The following NPHP3 variants were observed in gnomAD, a reference collection of about 807,000 sequenced individuals.
NPHP3 encodes nephrocystin 3, also known as nephrocystin-3.
Under a neutral mutation model 171.9 loss-of-function variants are expected in NPHP3, and 123 were observed. The observed-to-expected ratio is 0.72, with a 90% CI of 0.62 to 0.83. The LOEUF (loss-of-function observed/expected upper bound fraction) is 0.83. Ranked by LOEUF, NPHP3 falls within the 40% of genes least tolerant of loss-of-function variation. The pLI is 0.00. For missense variants in NPHP3, 1,506 were observed against 1,591.9 expected, an observed-to-expected ratio of 0.95 and a Z score of 0.92; for synonymous variants, 558 against 579.2, an observed-to-expected ratio of 0.96 and a Z score of 0.52.
rs1393593329 is a variant in NPHP3, at chr3:132,705,779, T to C, written c.1311A>G (p.Val437=). The change falls in exon 8 of 27, where the codon GTA becomes GTG. Residue 437 remains valine, a synonymous_variant. Coordinates refer to ENST00000337331, the MANE Select transcript of NPHP3 (RefSeq NM_153240.5). ...TTTCTACACAAATATAAGTTTTATATACTCCTTCTGCAGGATCTCCTGAGT... is the reference window on the plus strand; with the variant it reads ...TTTCTACACAAATATAAGTTTTATACACTCCTTCTGCAGGATCTCCTGAGT... ...IDHSGDPAEG[V]YKTYICVEKI... is the part of the protein sequence containing the mutation. The C allele has an allele frequency of 1.3e-6, 2 of 1,507,126 alleles. No individual in the cohort carries two copies. Among genetic ancestry groups the C allele is most frequent in the East Asian group, 2.3e-5 (1 of 44,276 alleles). The allele number at this position is 1,507,126 out of a possible 1,614,324, so 93.4% of individuals were successfully genotyped here.
chr3:132,693,714 A>C (rs1365337429), intron 16 of NPHP3: 1 of 152,198 alleles, frequency 6.6e-6, no homozygotes, highest in African/African-American at 2.4e-5. Context: ...TCTACTAAAA[A>C]TACAAAAAAT....
intron 16 of NPHP3, 144 bp from the exon 17 acceptor site, chr3:132,692,962 T>A (rs1939338022): frequency 1.4e-6 from 1 of 702,384 alleles, no homozygotes. Flanking sequence ...AGAAACAGAT[T>A]TATTAAAACA....
chr3:132,692,612 TTC>T, intron 17 of NPHP3, 40 bp downstream of exon 17: 1 of 1,579,478 alleles, frequency 6.3e-7, no homozygotes, highest in Non-Finnish European at 8.7e-7. Context: ...AAGACCCTGT[TTC>T]TTAAATAAAT....
At chr3:132,707,669 T>C (rs1373490102) in intron 7 of NPHP3, among the ~76,000 whole-genome samples, 1 of 151,148 alleles carries the variant, frequency 6.6e-6, no homozygotes, top group African/African-American at 2.5e-5. Context: ...ACTGTCAAAA[T>C]TTACTCAGAA....
intron 24 of NPHP3, among the ~76,000 whole-genome samples, chr3:132,684,252 G>A (rs1412135091): frequency 6.6e-6 from 1 of 152,158 alleles, no homozygotes; most frequent in Non-Finnish European, 1.5e-5. Flanking sequence ...CTTCTGAAAT[G>A]TAAAATAAGT....
At chr3:132,697,495 CTA>C (rs1479526705) in intron 13 of NPHP3, 133 bp from the exon 14 acceptor site, 4 of 635,266 alleles carry the variant, frequency 6.3e-6, no homozygotes, top group African/African-American at 5.7e-5. Flanking sequence ...AAACTAATGT[CTA>C]TTAATCATAT....
intron 23 of NPHP3, chr3:132,686,057 A>G: frequency 1.9e-6 from 1 of 524,126 alleles, no homozygotes; most frequent in East Asian, 3.6e-5. Context: ...TCAAAAAAAA[A>G]AAAAAGAGTG....
chr3:132,707,223 C>T lies in NPHP3; in HGVS notation c.1275+878G>A, dbSNP rs113969455. 7.6e-3 allele frequency among the ~76,000 whole-genome samples: 1,150 copies of T among 152,198 alleles called. 6 individuals are homozygous for T. The highest frequency in any genetic ancestry group is 0.02 in the Middle Eastern group (6 of 294). ...ATCCCATCATCAGCTTTTTGCTTTC[C>T]CCAATGCTCTTAGGAAAAGTCACTA... On this transcript the variant is annotated intron_variant, in intron 7 of 26. Coordinates refer to ENST00000337331, the MANE Select transcript of NPHP3 (RefSeq NM_153240.5).
chr3:132,688,944 T>C, intron 20 of NPHP3, 53 bp from the exon 21 acceptor site: 1 of 1,613,556 alleles, frequency 6.2e-7, no homozygotes, highest in South Asian at 1.1e-5. Flanking sequence ...TGCTGCAAGA[T>C]CTGTCATCTG....
rs141246014 is a variant in NPHP3 at position 132,687,640 on chromosome 3, T to C, written c.3126-414A>G. ...ATAATTTTTAATTAACAACTTTTTC[T>C]GCACAGGCTAATTTCTGGTCAAGTT... is the stretch of plus-strand genomic sequence containing the variant. On this transcript the variant is annotated intron_variant, in intron 21 of 26. Transcript: ENST00000337331. Among the ~76,000 whole-genome samples, 403 of 152,354 alleles carry C rather than the reference T, an allele frequency of 2.6e-3. 3 individuals carry two copies. Among genetic ancestry groups the C allele is most frequent in the African/African-American group, 8.4e-3 (350 of 41,594 alleles).
intron 6 of NPHP3, among the ~76,000 whole-genome samples, chr3:132,709,286 T>A (rs1222103780): frequency 7.7e-6 from 1 of 130,360 alleles, no homozygotes; most frequent in African/African-American, 3.1e-5. Context: ...TTTTTTTTTT[T>A]TTTTTTTTTT....
chr3:132,687,864 A>G (rs1307132679), intron 21 of NPHP3, among the ~76,000 whole-genome samples: 1 of 152,218 alleles, frequency 6.6e-6, no homozygotes, highest in Non-Finnish European at 1.5e-5. Flanking sequence ...TAGAGAGTTA[A>G]TATTTTAGGC....
chr3:132,721,897 G>C, intron 1 of NPHP3, 66 bp downstream of exon 1: 2 of 1,579,704 alleles, frequency 1.3e-6, no homozygotes, highest in Non-Finnish European at 1.7e-6. Context: ...CGCTTGGTTT[G>C]GAGAGGGAGC....
intron 9 of NPHP3, among the ~76,000 whole-genome samples, chr3:132,702,158 A>C (rs540952094): frequency 6.6e-6 from 1 of 152,304 alleles, no homozygotes; most frequent in South Asian, 2.1e-4. Context: ...ATGTTTGCAG[A>C]ATGTTTCAGG....
Position 132,704,209 on chromosome 3 carries a change from C to T in NPHP3, c.1513G>A (p.Gly505Arg), listed in dbSNP as rs375225209. ...QQASNSAHEL[G>R]FEKYYQRLND... ...CTCCAAGCACTTACTTTCTCAAATC[C>T]CAACTCATGGGCTGAATTAGAAGCC... Residue 505 changes from glycine to arginine, a missense_variant, in exon 9 of 27, where the codon GGA becomes AGA. Coordinates refer to ENST00000337331, the MANE Select transcript of NPHP3 (RefSeq NM_153240.5). The T allele has an allele frequency of 2.5e-6, 4 of 1,613,996 alleles. No individual in the cohort carries two copies. Among genetic ancestry groups the T allele is most frequent in the African/African-American group, 2.7e-5 (2 of 74,900 alleles).
At chr3:132,696,680 T>G in intron 15 of NPHP3, 51 bp downstream of exon 15, 1 of 1,521,536 alleles carries the variant, frequency 6.6e-7, no homozygotes. Context: ...AGAAAGGGTC[T>G]GCAGCAAACA....
intron 8 of NPHP3, among the ~76,000 whole-genome samples, chr3:132,705,438 A>G (rs1192667468): frequency 6.6e-6 from 1 of 152,212 alleles, no homozygotes; most frequent in African/African-American, 2.4e-5. Flanking sequence ...GAGCCTCCCT[A>G]TTGAATAAAA....
intron 18 of NPHP3, 93 bp from the exon 19 acceptor site, chr3:132,690,743 T>A: frequency 7.9e-7 from 1 of 1,257,894 alleles, no homozygotes; most frequent in Non-Finnish European, 1.2e-6. Flanking sequence ...GAAAAATATT[T>A]AACATATATC....
chr3:132,721,144 C>T (rs889358979), intron 1 of NPHP3, among the ~76,000 whole-genome samples: 15 of 152,180 alleles, frequency 9.9e-5, no homozygotes, highest in African/African-American at 3.1e-4. Flanking sequence ...TCTCGAACTC[C>T]TGACCTCAGG....
Sources: allele counts gnomAD v4.1 joint callset (sites outside exome capture counted in the v4.1 genomes callset), GRCh38; gene constraint gnomAD v4.1.1; transcripts MANE v1.5; gene names NCBI Gene and HGNC (gene_info 2026-07-23, HGNC 2026-07-21).